The following CACNG5 variants were observed in gnomAD, a reference collection of about 807,000 sequenced individuals.
CACNG5 encodes the protein voltage-dependent calcium channel gamma-5 subunit.
A neutral mutation model predicts 24.8 loss-of-function variants in CACNG5; 18 were observed. The observed-to-expected ratio is 0.73, with a 90% CI of 0.50 to 1.08. CACNG5 has a LOEUF of 1.08. Ranked by LOEUF, CACNG5 falls within the 50% of genes least tolerant of loss-of-function variation. The pLI is 0.00. For synonymous variants in CACNG5, 157 were observed against 149.1 expected, an observed-to-expected ratio of 1.05 and a Z score of -0.39; for missense variants, 349 against 367.9, an observed-to-expected ratio of 0.95 and a Z score of 0.42.
At chr17:66,874,659 C>T (rs919021349) in intron 1 of CACNG5, among the ~76,000 whole-genome samples, 1 of 152,182 alleles carries the variant, frequency 6.6e-6, no homozygotes, top group African/African-American at 2.4e-5. Flanking sequence ...GCTAGGCACA[C>T]CTCCCAACAC....
Position 66,852,586 on chromosome 17 carries a change from A to G in CACNG5, c.-104+17336A>G, listed in dbSNP as rs117438217. The stretch of plus-strand genomic sequence containing the variant: ...AAGTGAATATCACTTTTAAAAAGGT[A>G]TAATTAGTATATAATGAAATGTATC... On this transcript the variant is annotated intron_variant, in intron 1 of 5. Coordinates refer to ENST00000533854, the MANE Select transcript of CACNG5 (RefSeq NM_145811.3). 2.6e-5 allele frequency among the ~76,000 whole-genome samples: 4 copies of G among 152,324 alleles called. No homozygotes were observed. In the East Asian group the frequency reaches 7.7e-4, roughly 29 times the overall value.
chr17:66,862,786 T>C (rs771818008), intron 1 of CACNG5, among the ~76,000 whole-genome samples: 9 of 151,716 alleles, frequency 5.9e-5, no homozygotes, highest in Non-Finnish European at 1.3e-4. Flanking sequence ...ATAGAATAAT[T>C]ACATGTTTAA....
chr17:66,844,176 G>A (rs1976606023), intron 1 of CACNG5, among the ~76,000 whole-genome samples: 2 of 152,218 alleles, frequency 1.3e-5, no homozygotes, highest in African/African-American at 4.8e-5. Context: ...TAAGCATCCT[G>A]TTGTCTAATC....
chr17:66,880,405 G>T, intron 3 of CACNG5, 152 bp from the exon 4 acceptor site: 1 of 846,078 alleles, frequency 1.2e-6, no homozygotes, highest in South Asian at 1.9e-5. Flanking sequence ...AGATCCCCAG[G>T]CCACCTGATG....
chr17:66,877,632 T>C, intron 2 of CACNG5, 104 bp downstream of exon 2: 3 of 944,228 alleles, frequency 3.2e-6, no homozygotes, highest in Non-Finnish European at 4.8e-6. Context: ...AAGGAGACCA[T>C]TCACCACGGA....
chr17:66,887,667 T>C lies in CACNG5; in HGVS notation c.*2427T>C, dbSNP rs948036946. 1.3e-5 allele frequency among the ~76,000 whole-genome samples: 2 copies of C among 152,174 alleles called. No homozygotes were observed. The highest frequency in any genetic ancestry group is 2.9e-5 in the Non-Finnish European group (2 of 68,020). On this transcript the variant is annotated 3_prime_UTR_variant, in exon 6 of 6. Transcript: ENST00000533854. The stretch of plus-strand genomic sequence containing the variant: ...TCTGTCACTGTGCCAGGCTTGTTTT[T>C]GGTGCACCTGGAAAAAGTAGAATCC...
intron 1 of CACNG5, among the ~76,000 whole-genome samples, chr17:66,869,064 G>T (rs2143092508): frequency 6.6e-6 from 1 of 152,152 alleles, no homozygotes; most frequent in Admixed American, 6.5e-5. Flanking sequence ...TGGGTATCAG[G>T]TTGTGCTTCT....
At chr17:66,842,207 C>T (rs920069157) in intron 1 of CACNG5, among the ~76,000 whole-genome samples, 3 of 152,114 alleles carry the variant, frequency 2.0e-5, no homozygotes, top group Non-Finnish European at 4.4e-5. Flanking sequence ...TCAGCCTCTA[C>T]CAGGCAAGGC....
At chr17:66,843,882 T>A (rs1295668610) in intron 1 of CACNG5, among the ~76,000 whole-genome samples, 1 of 149,608 alleles carries the variant, frequency 6.7e-6, no homozygotes, top group Non-Finnish European at 1.5e-5. Context: ...AGCAAAAGAG[T>A]ACAAGCTGCT....
At chr17:66,883,499 AAG>A (rs757395290) in intron 4 of CACNG5, among the ~76,000 whole-genome samples, 11 of 152,258 alleles carry the variant, frequency 7.2e-5, no homozygotes, top group Non-Finnish European at 1.3e-4. Flanking sequence ...AACAACTCAA[AAG>A]AGAGTAATTA....
chr17:66,886,310 T>C lies in CACNG5; in HGVS notation c.*1070T>C, dbSNP rs1057055973. 6.6e-6 allele frequency among the ~76,000 whole-genome samples: 1 copy of C among 152,190 alleles called. No homozygotes were observed. The highest frequency in any genetic ancestry group is 2.4e-5 in the African/African-American group (1 of 41,448). Reference sequence around the variant, plus strand: ...AATAATCCAGCTGCTCTCCGAAGGCTGCCTGTGAACATTGGGGGGTTGCCA... The same window carrying C: ...AATAATCCAGCTGCTCTCCGAAGGCCGCCTGTGAACATTGGGGGGTTGCCA... On this transcript the variant is annotated 3_prime_UTR_variant, in exon 6 of 6. Coordinates refer to ENST00000533854, the MANE Select transcript of CACNG5 (RefSeq NM_145811.3).
rs1977268479 is a variant in CACNG5, at chr17:66,886,825, A to C, written c.*1585A>C. Among the ~76,000 whole-genome samples the C allele has an allele frequency of 6.6e-6, 1 of 152,134 alleles. No homozygotes were observed. Among genetic ancestry groups the C allele is most frequent in the Non-Finnish European group, 1.5e-5 (1 of 68,026 alleles). On this transcript the variant is annotated 3_prime_UTR_variant, in exon 6 of 6. Coordinates refer to ENST00000533854, the MANE Select transcript of CACNG5 (RefSeq NM_145811.3). Reference sequence around the variant, plus strand: ...CCTACAGTTCTGGGTACCGGAGTCCAAGATCACGGTGTTGGCAGGATTGGT... The same window carrying C: ...CCTACAGTTCTGGGTACCGGAGTCCCAGATCACGGTGTTGGCAGGATTGGT...
intron 1 of CACNG5, among the ~76,000 whole-genome samples, chr17:66,849,365 G>C (rs1976681553): frequency 6.6e-6 from 1 of 152,098 alleles, no homozygotes; most frequent in African/African-American, 2.4e-5. Flanking sequence ...GAGGCCAGCA[G>C]GCCCGATGGA....
rs1977351682 is a variant in CACNG5 at position 66,892,006 on chromosome 17, A to T, written c.*6766A>T. 6.6e-6 allele frequency among the ~76,000 whole-genome samples: 1 copy of T among 152,226 alleles called. No homozygotes were observed. The highest frequency in any genetic ancestry group is 1.5e-5 in the Non-Finnish European group (1 of 68,022). ...CTCCAGATGGTTCTAATGTGAAACC[A>T]GGGTTGAGAACCACTGGCTTAGACC... On this transcript the variant is annotated 3_prime_UTR_variant, in exon 6 of 6. Transcript: ENST00000533854.
chr17:66,842,415 G>T (rs1976582343), intron 1 of CACNG5, among the ~76,000 whole-genome samples: 1 of 152,128 alleles, frequency 6.6e-6, no homozygotes, highest in South Asian at 2.1e-4. Context: ...GAAGCCCAAG[G>T]CTCAGAGAGG....
chr17:66,854,231 C>A (rs1241445598), intron 1 of CACNG5, among the ~76,000 whole-genome samples: 2 of 152,098 alleles, frequency 1.3e-5, no homozygotes, highest in Non-Finnish European at 2.9e-5. Context: ...AGATCGAGAC[C>A]ATCCTGGCTA....
chr17:66,883,299 A>C (rs1977191358), intron 4 of CACNG5, among the ~76,000 whole-genome samples: 1 of 152,226 alleles, frequency 6.6e-6, no homozygotes, highest in Non-Finnish European at 1.5e-5. Flanking sequence ...GTGGGCTACC[A>C]GATCAGAAAT....
chr17:66,884,016 C>A (rs1977205780), intron 4 of CACNG5, among the ~76,000 whole-genome samples: 1 of 151,982 alleles, frequency 6.6e-6, no homozygotes, highest in South Asian at 2.1e-4. Flanking sequence ...CCTGTAATCC[C>A]AGCTACTCAG....
At position 66,883,131 on chromosome 17, in the gene CACNG5, C is replaced by T. The variant is rs113663370; in HGVS notation, c.425-1385C>T. Among the ~76,000 whole-genome samples the T allele has an allele frequency of 8.9e-3, 1,362 of 152,292 alleles. 32 individuals carry two copies. The highest frequency in any genetic ancestry group is 0.029 in the African/African-American group (1,212 of 41,550). ...AACCCAACACATATTTATTGAGCAC[C>T]AGGAATGTTATCAGCCCAGCTTTTG... On this transcript the variant is annotated intron_variant, in intron 4 of 5. Coordinates refer to ENST00000533854, the MANE Select transcript of CACNG5 (RefSeq NM_145811.3).
Sources: allele counts gnomAD v4.1 joint callset (sites outside exome capture counted in the v4.1 genomes callset), GRCh38; gene constraint gnomAD v4.1.1; transcripts MANE v1.5; gene names NCBI Gene and HGNC (gene_info 2026-07-23, HGNC 2026-07-21).